RABGAP1L: variants seen among roughly 807,000 people sequenced by gnomAD.
The protein encoded by RABGAP1L is rab GTPase-activating protein 1-like.
Under a neutral mutation model 137.7 loss-of-function variants are expected in RABGAP1L, and 63 were observed. The observed-to-expected ratio is 0.46, with a 90% CI of 0.37 to 0.56. The LOEUF (loss-of-function observed/expected upper bound fraction) is 0.56, where lower values mean the gene tolerates loss of function less well. Among genes scored for constraint, RABGAP1L ranks in the 20% least tolerant of loss-of-function variants. The probability of loss-of-function intolerance (pLI) is 0.00; values close to 1 mark genes in which losing one functional copy is unlikely to be tolerated. For missense variants in RABGAP1L, 1,095 were observed against 1,244.0 expected, an observed-to-expected ratio of 0.88 and a Z score of 1.80; for synonymous variants, 431 against 433.7, an observed-to-expected ratio of 0.99 and a Z score of 0.08.
At chr1:174,171,696 T>C (rs1388894082) in intron 1 of RABGAP1L, among the ~76,000 whole-genome samples, 1 of 134,304 alleles carries the variant, frequency 7.4e-6, no homozygotes, top group African/African-American at 2.7e-5. Flanking sequence ...TATTCAGCTT[T>C]AAAAAAAAAA....
rs80125121 is a variant in RABGAP1L at position 174,574,168 on chromosome 1, T to C, written c.1711-63207T>C. Among the ~76,000 whole-genome samples, 1,334 of 152,318 alleles carry C rather than the reference T, an allele frequency of 8.8e-3. 7 individuals are homozygous for C. Among genetic ancestry groups the C allele is most frequent in the Non-Finnish European group, 0.014 (966 of 68,016 alleles). ...GCTTTTCTTTACAATTATTCTATAA[T>C]TAGAAATTCCACAGATTTAAGCCAT... On this transcript the variant is annotated intron_variant, in intron 13 of 25. Coordinates refer to ENST00000681986, the MANE Select transcript of RABGAP1L (RefSeq NM_001366446.1).
chr1:174,678,048 T>C (rs1274943782), intron 14 of RABGAP1L, among the ~76,000 whole-genome samples: 1 of 152,146 alleles, frequency 6.6e-6, no homozygotes, highest in Non-Finnish European at 1.5e-5. Context: ...AAGTTTAAAC[T>C]TTTATGTATG....
chr1:174,316,271 A>G (rs971836867), intron 11 of RABGAP1L, among the ~76,000 whole-genome samples: 6 of 151,848 alleles, frequency 4.0e-5, no homozygotes, highest in South Asian at 2.1e-4. Flanking sequence ...GTGAGGTCAT[A>G]TTTTCCTGGA....
intron 13 of RABGAP1L, among the ~76,000 whole-genome samples, chr1:174,426,065 A>C (rs1008281092): frequency 3.9e-5 from 6 of 152,052 alleles, no homozygotes; most frequent in African/African-American, 1.4e-4. Context: ...TTGTTCTCAT[A>C]AAGTTCTGTA....
chr1:174,468,735 A>G (rs1470511764), intron 13 of RABGAP1L, among the ~76,000 whole-genome samples: 1 of 151,644 alleles, frequency 6.6e-6, no homozygotes, highest in East Asian at 1.9e-4. Flanking sequence ...CTCTCTCTGT[A>G]AAATCATTCC....
intron 13 of RABGAP1L, chr1:174,545,908 G>A (rs1665968593): frequency 6.6e-6 from 1 of 152,128 alleles, no homozygotes; most frequent in African/African-American, 2.4e-5. Flanking sequence ...GGTTATACTT[G>A]CAATGTTCTG....
chr1:174,190,692 C>G (rs985927916), intron 1 of RABGAP1L, among the ~76,000 whole-genome samples: 1 of 152,200 alleles, frequency 6.6e-6, no homozygotes. Context: ...TGGACTGGCA[C>G]TTTAAATTTT....
chr1:174,262,729 T>C (rs1673691501), intron 7 of RABGAP1L, among the ~76,000 whole-genome samples: 1 of 152,236 alleles, frequency 6.6e-6, no homozygotes. Flanking sequence ...TTAGAAGAGA[T>C]TGGGTATTTT....
chr1:174,853,427 TCTC>T (rs1648720644), intron 19 of RABGAP1L, among the ~76,000 whole-genome samples: 1 of 152,068 alleles, frequency 6.6e-6, no homozygotes, highest in African/African-American at 2.4e-5. Flanking sequence ...TAAACCTAGG[TCTC>T]ATTTCAAAGG....
intron 1 of RABGAP1L, among the ~76,000 whole-genome samples, chr1:174,176,733 A>T (rs1271455319): frequency 7.0e-6 from 1 of 142,462 alleles, no homozygotes; most frequent in Non-Finnish European, 1.5e-5. Flanking sequence ...AAAAAAAAAA[A>T]AAAAAAAAAA....
intron 19 of RABGAP1L, among the ~76,000 whole-genome samples, chr1:174,865,041 C>T (rs917407187): frequency 4.0e-5 from 6 of 151,808 alleles, no homozygotes; most frequent in African/African-American, 7.3e-5. Context: ...CACCGAAGCC[C>T]GGGAAGTTTG....
At chr1:174,443,856 A>G (rs756799536) in intron 13 of RABGAP1L, among the ~76,000 whole-genome samples, 3 of 152,006 alleles carry the variant, frequency 2.0e-5, no homozygotes, top group Non-Finnish European at 4.4e-5. Context: ...TGATTTTTGT[A>G]TATGGTGAGA....
At chr1:174,440,293 A>G (rs538174107) in intron 13 of RABGAP1L, among the ~76,000 whole-genome samples, 134 of 152,186 alleles carry the variant, frequency 8.8e-4, no homozygotes, top group Non-Finnish European at 1.7e-3. Flanking sequence ...AACAGAAGCA[A>G]CGCGATCTGG....
chr1:174,852,219 C>T (rs1648483376), intron 19 of RABGAP1L, among the ~76,000 whole-genome samples: 1 of 152,076 alleles, frequency 6.6e-6, no homozygotes, highest in Non-Finnish European at 1.5e-5. Context: ...TGAAGAGTGT[C>T]GGAGGATTCA....
At chr1:174,874,599 TTTTTC>T in intron 19 of RABGAP1L, 2 of 740,278 alleles carry the variant, frequency 2.7e-6, no homozygotes, top group African/African-American at 2.0e-5. Context: ...TTTTTTTTTT[TTTTTC>T]CAATGCAGTT....
At chr1:174,429,123 A>G (rs1030121388) in intron 13 of RABGAP1L, among the ~76,000 whole-genome samples, 8 of 152,194 alleles carry the variant, frequency 5.3e-5, no homozygotes, top group African/African-American at 1.9e-4. Flanking sequence ...GCTGGTAAGC[A>G]TGGAGTAGAA....
intron 13 of RABGAP1L, among the ~76,000 whole-genome samples, chr1:174,543,423 T>C (rs1665672957): frequency 8.2e-6 from 1 of 122,014 alleles, no homozygotes; most frequent in East Asian, 1.9e-4. Context: ...CAACCCCTGC[T>C]TTTTTTTGTT....
At position 174,834,742 on chromosome 1, in the gene RABGAP1L, AAAAAG is replaced by A. The variant is rs746185797; in HGVS notation, c.2340+22788_2340+22792del. Among the ~76,000 whole-genome samples the A allele has an allele frequency of 3.9e-4, 60 of 152,266 alleles. 1 individual carries two copies. Among genetic ancestry groups the A allele is most frequent in the Admixed American group, 1.6e-3 (24 of 15,290 alleles). On this transcript the variant is annotated intron_variant, in intron 19 of 25. Coordinates refer to ENST00000681986, the MANE Select transcript of RABGAP1L (RefSeq NM_001366446.1). The stretch of plus-strand genomic sequence containing the variant: ...TTTATATGCAAATACATTTCATCAT[AAAAAG>A]AAAAGCATAAAACTCTCTAGACAAG...
At chr1:174,640,368 A>G (rs1316890008) in intron 14 of RABGAP1L, among the ~76,000 whole-genome samples, 1 of 152,116 alleles carries the variant, frequency 6.6e-6, no homozygotes, top group African/African-American at 2.4e-5. Context: ...AAGCTTCCAC[A>G]TCCACTTTTC....
Sources: allele counts gnomAD v4.1 joint callset (sites outside exome capture counted in the v4.1 genomes callset), GRCh38; gene constraint gnomAD v4.1.1; transcripts MANE v1.5; gene names NCBI Gene and HGNC (gene_info 2026-07-23, HGNC 2026-07-21).